Variants in DPP10 observed in about 807,000 individuals in gnomAD.
DPP10 encodes the protein inactive dipeptidyl peptidase 10.
Under a neutral mutation model 120.9 loss-of-function variants are expected in DPP10, and 33 were observed. That is an observed-to-expected ratio of 0.27 (90% CI 0.21 to 0.37). The LOEUF is 0.37. Among genes scored for constraint, DPP10 ranks in the 10% least tolerant of loss-of-function variants. The pLI is 1.00. For missense variants in DPP10, 816 were observed against 942.8 expected, an observed-to-expected ratio of 0.87 and a Z score of 1.76; for synonymous variants, 337 against 326.1, an observed-to-expected ratio of 1.03 and a Z score of -0.36.
At chr2:115,500,790 T>C (rs2076643505) in intron 4 of DPP10, among the ~76,000 whole-genome samples, 1 of 152,036 alleles carries the variant, frequency 6.6e-6, no homozygotes, top group South Asian at 2.1e-4. Flanking sequence ...TCTAAGAATG[T>C]GGATTTCCTT....
At chr2:115,560,263 C>T (rs950249076) in intron 5 of DPP10, among the ~76,000 whole-genome samples, 3 of 141,750 alleles carry the variant, frequency 2.1e-5, no homozygotes, top group Non-Finnish European at 4.6e-5. Flanking sequence ...CCCAGCTACT[C>T]GGGAGGCTGA....
At chr2:114,948,668 G>GT (rs1407375386) in intron 1 of DPP10, among the ~76,000 whole-genome samples, 1 of 152,130 alleles carries the variant, frequency 6.6e-6, no homozygotes, top group African/African-American at 2.4e-5. Context: ...GATCTTGCTT[G>GT]TTTTTTGTTA....
At chr2:115,027,315 A>G (rs1350781704) in intron 1 of DPP10, among the ~76,000 whole-genome samples, 2 of 152,098 alleles carry the variant, frequency 1.3e-5, no homozygotes, top group Non-Finnish European at 2.9e-5. Context: ...CCTAATTTGG[A>G]TGCCCTTTAT....
rs550682876 is a variant in DPP10, at chr2:115,355,149, T to C, written c.271+11237T>C. On this transcript the variant is annotated intron_variant, in intron 3 of 25. Coordinates refer to ENST00000410059, the MANE Select transcript of DPP10 (RefSeq NM_020868.6). Reference sequence around the variant, plus strand: ...ATACTGTCTTCCACAATGGTGGAACTAATTTACATTCCCACCAACAGTGTA... The same window carrying C: ...ATACTGTCTTCCACAATGGTGGAACCAATTTACATTCCCACCAACAGTGTA... 9.2e-5 allele frequency among the ~76,000 whole-genome samples: 14 copies of C among 152,322 alleles called. No homozygotes were observed. In the South Asian group the frequency reaches 2.3e-3, roughly 25 times the overall value.
At chr2:114,632,575 C>G (rs772065171) in intron 1 of DPP10, among the ~76,000 whole-genome samples, 4 of 122,280 alleles carry the variant, frequency 3.3e-5, no homozygotes, top group African/African-American at 6.4e-5. Context: ...TGTAGTGGTG[C>G]GATCTCGGCT....
At chr2:114,777,278 T>C (rs370241489) in intron 1 of DPP10, among the ~76,000 whole-genome samples, 1 of 152,158 alleles carries the variant, frequency 6.6e-6, no homozygotes, top group Non-Finnish European at 1.5e-5. Flanking sequence ...AACACTGTCT[T>C]GTGCTGGAAA....
chr2:114,486,183 G>T (rs145043235), intron 1 of DPP10, among the ~76,000 whole-genome samples: 81 of 128,434 alleles, frequency 6.3e-4, no homozygotes, highest in African/African-American at 2.2e-3. Flanking sequence ...TGACTAGGCC[G>T]GGATTTCCAA....
chr2:115,397,981 A>G (rs1445253368), intron 3 of DPP10, among the ~76,000 whole-genome samples: 1 of 152,162 alleles, frequency 6.6e-6, no homozygotes, highest in East Asian at 1.9e-4. Context: ...CGGCAACATC[A>G]CATAGAAAAA....
At chr2:115,291,084 GC>G (rs1376908188) in intron 1 of DPP10, among the ~76,000 whole-genome samples, 1 of 152,038 alleles carries the variant, frequency 6.6e-6, no homozygotes, top group Non-Finnish European at 1.5e-5. Context: ...GCTCACTGCA[GC>G]CTCGACCTCC....
intron 3 of DPP10, among the ~76,000 whole-genome samples, chr2:115,346,644 C>T (rs1248810315): frequency 2.0e-5 from 3 of 151,962 alleles, no homozygotes; most frequent in Admixed American, 6.6e-5. Context: ...ATTTGAAAAC[C>T]CATCTTATTT....
chr2:114,908,836 T>A (rs1381486242), intron 1 of DPP10, among the ~76,000 whole-genome samples: 1 of 151,746 alleles, frequency 6.6e-6, no homozygotes, highest in African/African-American at 2.4e-5. Context: ...CTGGAATAAG[T>A]ACATATTGAT....
intron 1 of DPP10, among the ~76,000 whole-genome samples, chr2:114,507,367 T>C (rs1371283464): frequency 6.6e-6 from 1 of 152,186 alleles, no homozygotes; most frequent in Admixed American, 6.5e-5. Context: ...TCATTTGCAT[T>C]GTTCTGAAAC....
At chr2:115,134,138 A>G (rs892675512) in intron 1 of DPP10, among the ~76,000 whole-genome samples, 1 of 152,218 alleles carries the variant, frequency 6.6e-6, no homozygotes, top group African/African-American at 2.4e-5. Flanking sequence ...AACATTAGGA[A>G]AAAGATCTTT....
chr2:114,566,598 T>G (rs1689219312), intron 1 of DPP10, among the ~76,000 whole-genome samples: 1 of 152,230 alleles, frequency 6.6e-6, no homozygotes, highest in Non-Finnish European at 1.5e-5. Flanking sequence ...AAGTCCATTT[T>G]AAACTTAGGT....
intron 1 of DPP10, among the ~76,000 whole-genome samples, chr2:114,917,776 C>T (rs1353520476): frequency 2.0e-5 from 3 of 152,080 alleles, no homozygotes; most frequent in Admixed American, 6.5e-5. Context: ...GAAACTGGGC[C>T]TCTTCCTTTC....
Position 115,082,922 on chromosome 2 carries a change from A to G in DPP10, c.61-226317A>G, listed in dbSNP as rs532984399. On this transcript the variant is annotated intron_variant, in intron 1 of 25. Coordinates refer to ENST00000410059, the MANE Select transcript of DPP10 (RefSeq NM_020868.6). ...AGAAAAACTCAACACCTAGAGCTAT[A>G]TTACTTTATTTAAATTGTTCTTCTT... 8.5e-5 allele frequency among the ~76,000 whole-genome samples: 13 copies of G among 152,344 alleles called. No homozygotes were observed. In the South Asian group the frequency reaches 2.7e-3, roughly 32 times the overall value.
intron 1 of DPP10, among the ~76,000 whole-genome samples, chr2:115,105,715 C>T (rs1055008826): frequency 6.6e-6 from 1 of 152,142 alleles, no homozygotes; most frequent in African/African-American, 2.4e-5. Context: ...ATTAACTAGG[C>T]TCCAAGTCTA....
At chr2:115,327,712 G>A (rs772357921) in intron 2 of DPP10, among the ~76,000 whole-genome samples, 3 of 151,934 alleles carry the variant, frequency 2.0e-5, no homozygotes, top group African/African-American at 7.2e-5. Flanking sequence ...ATCATATTTC[G>A]TATGCACTGG....
intron 5 of DPP10, among the ~76,000 whole-genome samples, chr2:115,541,734 ATG>A (rs2148965590): frequency 6.6e-6 from 1 of 152,018 alleles, no homozygotes; most frequent in East Asian, 1.9e-4. Flanking sequence ...AAAGCTTACT[ATG>A]TAAGCTTTCT....
Sources: allele counts gnomAD v4.1 joint callset (sites outside exome capture counted in the v4.1 genomes callset), GRCh38; gene constraint gnomAD v4.1.1; transcripts MANE v1.5; gene names NCBI Gene and HGNC (gene_info 2026-07-23, HGNC 2026-07-21).